Variants in ZNF473 observed in about 807,000 individuals in gnomAD.
ZNF473 encodes zinc finger protein 100 homolog.
ZNF473 carries 4 observed loss-of-function variants against 11.1 expected under a neutral mutation model. The observed-to-expected ratio is 0.36, with a 90% CI of 0.18 to 0.82. The LOEUF is 0.82. Ranked by LOEUF, ZNF473 falls within the 40% of genes least tolerant of loss-of-function variation. The pLI is 0.49. For missense variants in ZNF473, 854 were observed against 1,084.0 expected (o/e 0.79, Z 2.98); for synonymous variants, 404 against 390.4 (o/e 1.03, Z -0.41).
chr19:50,041,718 C>A lies in ZNF473; in HGVS notation c.137-12C>A. 1 of 1,593,664 alleles carries A rather than the reference C, an allele frequency of 6.3e-7. No individual in the cohort carries two copies. Among genetic ancestry groups the A allele is most frequent in the Non-Finnish European group, 8.5e-7 (1 of 1,171,900 alleles). On this transcript the variant is annotated splice_polypyrimidine_tract_variant and intron_variant, in intron 3 of 4. Transcript: ENST00000270617. The stretch of plus-strand genomic sequence containing the variant: ...GTCCTGGTTGGGTGACAATGCTTTT[C>A]TCTCCCTGCAGACCCCCCAAGACCC...
rs775900915 is a variant in ZNF473, at chr19:50,046,879, G to C, written c.2436G>C (p.Lys812Asn). ...ACCAGAGAATTCACACAGGGGAGAAGCCTTACTCCTGTAATGTGTGTGGCA... is the reference window on the plus strand; with the variant it reads ...ACCAGAGAATTCACACAGGGGAGAACCCTTACTCCTGTAATGTGTGTGGCA... ...TQHQRIHTGEKPYSCNVCGKA... is the reference protein window; with the variant it reads ...TQHQRIHTGENPYSCNVCGKA... Residue 812 changes from lysine to asparagine, a missense_variant, in exon 5 of 5, where the codon AAG (lysine) becomes AAC (asparagine). This residue lies in a region of ZNF473 where 186 missense variants were observed against 293.8 expected (regional missense o/e 0.63). Coordinates refer to ENST00000270617, the MANE Select transcript of ZNF473 (RefSeq NM_015428.4). The surrounding 1 kb of genome is among the most constrained non-coding windows in gnomAD (Gnocchi z 5.9). The C allele has an allele frequency of 1.9e-6, 3 of 1,614,098 alleles. No individual in the cohort carries two copies. In the African/African-American group the frequency reaches 4.0e-5, roughly 22 times the overall value.
chr19:50,032,847 C>A (rs780230432), intron 2 of ZNF473, among the ~76,000 whole-genome samples: 2 of 152,174 alleles, frequency 1.3e-5, no homozygotes, highest in Non-Finnish European at 2.9e-5. Flanking sequence ...GGCATCACCT[C>A]AATCTCTGCC....
In ZNF473 at chr19:50,031,347, A is replaced by G. The variant is rs1600750973; in HGVS notation, c.9+256A>G. Among the ~76,000 whole-genome samples the G allele has an allele frequency of 3.9e-5, 6 of 152,296 alleles. 1 individual carries two copies. Among genetic ancestry groups the G allele is most frequent in the Admixed American group, 3.9e-4 (6 of 15,302 alleles). ...CCCTATTGCTTATAGAATAAATTCC[A>G]GGTTTTTCAGCCTTCCTGTGTGTTC... On this transcript the variant is annotated intron_variant, in intron 2 of 4. Transcript: ENST00000270617.
intron 1 of ZNF473, among the ~76,000 whole-genome samples, chr19:50,030,124 T>G (rs2077310305): frequency 6.6e-6 from 1 of 152,172 alleles, no homozygotes; most frequent in African/African-American, 2.4e-5. Context: ...GTACTGAGAT[T>G]ACAGGCGTGA....
chr19:50,034,394 G>A (rs2077334230), intron 2 of ZNF473, among the ~76,000 whole-genome samples: 1 of 152,074 alleles, frequency 6.6e-6, no homozygotes, highest in South Asian at 2.1e-4. Flanking sequence ...TTTAGTATAT[G>A]CCTAATTTAA....
intron 2 of ZNF473, among the ~76,000 whole-genome samples, chr19:50,031,309 C>T (rs749677507): frequency 9.9e-5 from 15 of 152,172 alleles, no homozygotes; most frequent in Non-Finnish European, 2.1e-4. Context: ...CCTGTTTGTA[C>T]TCTTCTGGGA....
chr19:50,033,647 A>G (rs2077329498), intron 2 of ZNF473, among the ~76,000 whole-genome samples: 1 of 152,158 alleles, frequency 6.6e-6, no homozygotes, highest in Non-Finnish European at 1.5e-5. Context: ...ACAGTTCTTC[A>G]GGTCTGAATC....
At chr19:50,038,009 ATT>A (rs11462425) in intron 2 of ZNF473, among the ~76,000 whole-genome samples, 5,062 of 134,866 alleles carry the variant, frequency 0.038, 303 homozygotes, top group African/African-American at 0.13. Flanking sequence ...ATAGTAGAAA[ATT>A]TTTTTTTTTT....
chr19:50,046,885 C>T lies in ZNF473; in HGVS notation c.2442C>T (p.Tyr814=), dbSNP rs377338754. Residue 814 remains tyrosine, a synonymous_variant, in exon 5 of 5, where the codon TAC becomes TAT. Coordinates refer to ENST00000270617, the MANE Select transcript of ZNF473 (RefSeq NM_015428.4). This position sits in a 1 kb window ranked among gnomAD's most constrained non-coding sequence, Gnocchi z 5.9. ...GAATTCACACAGGGGAGAAGCCTTA[C>T]TCCTGTAATGTGTGTGGCAAAGCTT... ...HQRIHTGEKP[Y]SCNVCGKAFV... 14 of 1,614,102 alleles carry T rather than the reference C, an allele frequency of 8.7e-6. No individual in the cohort carries two copies. The highest frequency in any genetic ancestry group is 1.1e-5 in the Non-Finnish European group (13 of 1,180,046).
chr19:50,046,163 A>G lies in ZNF473; in HGVS notation c.1720A>G (p.Ser574Gly). The change falls in exon 5 of 5, where the codon AGC (serine) becomes GGC (glycine). Residue 574 changes from serine to glycine, a missense_variant. Around this residue, in one of 2 missense-constraint regions of ZNF473, gnomAD observed 668 missense variants for 790.2 expected, o/e 0.85. Coordinates refer to ENST00000270617, the MANE Select transcript of ZNF473 (RefSeq NM_015428.4). The surrounding 1 kb of genome is among the most constrained non-coding windows in gnomAD (Gnocchi z 5.9). ...CNKCEKTFSC[S>G]KYLTQHERIH... ...CAAATGTGAGAAAACCTTTAGCTGC[A>G]GCAAATACCTAACTCAGCACGAGAG... The G allele has an allele frequency of 6.2e-7, 1 of 1,614,226 alleles. No homozygotes were observed. Among genetic ancestry groups the G allele is most frequent in the Non-Finnish European group, 8.5e-7 (1 of 1,180,040 alleles).
chr19:50,045,159 A>C lies in ZNF473; in HGVS notation c.716A>C (p.His239Pro). 1 of 1,614,220 alleles carries C rather than the reference A, an allele frequency of 6.2e-7. No individual in the cohort carries two copies. Among genetic ancestry groups the C allele is most frequent in the Non-Finnish European group, 8.5e-7 (1 of 1,180,044 alleles). The part of the protein sequence containing the change: ...ITHTREKPTV[H>P]QECEQGFDRN... Reference sequence around the variant, plus strand: ...CATACTAGGGAGAAACCCACTGTCCATCAAGAGTGTGAGCAAGGTTTTGAC... The same window carrying C: ...CATACTAGGGAGAAACCCACTGTCCCTCAAGAGTGTGAGCAAGGTTTTGAC... The change falls in exon 5 of 5, where the codon CAT (histidine) becomes CCT (proline). Residue 239 changes from histidine (H) to proline (P), a missense_variant. Physicochemically the swap from His to Pro is moderately conservative, Grantham distance 77 (BLOSUM62 -2). Around this residue, in one of 2 missense-constraint regions of ZNF473, gnomAD observed 668 missense variants for 790.2 expected, o/e 0.85. Transcript: ENST00000270617.
At chr19:50,038,451 C>T (rs1279241592) in intron 2 of ZNF473, among the ~76,000 whole-genome samples, 5 of 152,100 alleles carry the variant, frequency 3.3e-5, no homozygotes, top group Non-Finnish European at 7.4e-5. Flanking sequence ...GGCCTCTGCT[C>T]TCCTGACCAG....
intron 2 of ZNF473, among the ~76,000 whole-genome samples, chr19:50,036,383 G>A (rs543945345): frequency 2.1e-4 from 29 of 137,006 alleles, no homozygotes; most frequent in African/African-American, 7.9e-4. Context: ...GCGCAATCCT[G>A]GCTCACTGCA....
At chr19:50,033,449 G>A (rs937360289) in intron 2 of ZNF473, among the ~76,000 whole-genome samples, 2 of 152,080 alleles carry the variant, frequency 1.3e-5, no homozygotes, top group South Asian at 2.1e-4. Flanking sequence ...TGGTGAATCC[G>A]GAGGCCGTTG....
intron 4 of ZNF473, among the ~76,000 whole-genome samples, chr19:50,044,248 G>A (rs1390534137): frequency 6.6e-6 from 1 of 152,166 alleles, no homozygotes; most frequent in African/African-American, 2.4e-5. Context: ...AGGGAGGTAG[G>A]GAGGAGGTTG....
chr19:50,038,253 A>G (rs1432569778), intron 2 of ZNF473, among the ~76,000 whole-genome samples: 1 of 150,000 alleles, frequency 6.7e-6, no homozygotes, highest in African/African-American at 2.4e-5. Context: ...ATGCACACAC[A>G]CATAAATAAT....
At chr19:50,029,040 A>G (rs1325111453) in intron 1 of ZNF473, among the ~76,000 whole-genome samples, 1 of 152,238 alleles carries the variant, frequency 6.6e-6, no homozygotes, top group Non-Finnish European at 1.5e-5. Context: ...ATATAACTTT[A>G]AATTATTCTA....
At chr19:50,041,626 C>A in intron 3 of ZNF473, 104 bp from the exon 4 acceptor site, 2 of 977,282 alleles carry the variant, frequency 2.0e-6, no homozygotes, top group South Asian at 1.7e-5. Context: ...GAGCCACGTG[C>A]AGGATAAAGC....
At chr19:50,036,114 G>A (rs157550) in intron 2 of ZNF473, among the ~76,000 whole-genome samples, 20,147 of 151,288 alleles carry the variant, frequency 0.13, 1,513 homozygotes, top group African/African-American at 0.21. Flanking sequence ...GCACTACCAC[G>A]CCCAGCTAAT....
Sources: allele counts gnomAD v4.1 joint callset (sites outside exome capture counted in the v4.1 genomes callset), GRCh38; gene constraint gnomAD v4.1.1; regional missense constraint gnomAD v4.1.1; non-coding constraint Gnocchi (gnomAD v3.1); transcripts MANE v1.5; gene names NCBI Gene and HGNC (gene_info 2026-07-23, HGNC 2026-07-21).